PCLO: variants seen among roughly 807,000 people sequenced by gnomAD.
PCLO encodes the protein piccolo presynaptic cytomatrix protein.
Under a neutral mutation model 427.5 loss-of-function variants are expected in PCLO, and 82 were observed. The observed-to-expected ratio is 0.19, with a 90% CI of 0.16 to 0.23. The LOEUF (loss-of-function observed/expected upper bound fraction) is 0.23, where lower values mean the gene tolerates loss of function less well. PCLO is among the 10% of genes least tolerant of loss of function. PCLO has a pLI of 1.00. For synonymous variants in PCLO, 2,357 were observed against 2,155.4 expected, an observed-to-expected ratio of 1.09 and a Z score of -2.59; for missense variants, 6,239 against 6,115.9, an observed-to-expected ratio of 1.02 and a Z score of -0.67.
chr7:82,909,744 T>C (rs186613336), intron 7 of PCLO, among the ~76,000 whole-genome samples: 2 of 152,120 alleles, frequency 1.3e-5, no homozygotes, highest in Non-Finnish European at 2.9e-5. Flanking sequence ...CATGATTACG[T>C]AGTAGCCTAA....
intron 3 of PCLO, among the ~76,000 whole-genome samples, chr7:83,084,694 CCT>C (rs762023350): frequency 1.8e-4 from 27 of 152,048 alleles, no homozygotes; most frequent in Non-Finnish European, 3.8e-4. Flanking sequence ...ATATTTTCTT[CCT>C]CTCTGTCTCT....
At position 82,758,544 on chromosome 7, in the gene PCLO, C is replaced by T. The variant is rs1323573211; in HGVS notation, c.*31G>A. On this transcript the variant is annotated 3_prime_UTR_variant, in exon 25 of 25. Transcript: ENST00000333891. Reference sequence around the variant, plus strand: ...AGTCTTGATGTGAGGCTATTTAGAGCAGTTTCTATACCCTGAGAAGACATG... The same window carrying T: ...AGTCTTGATGTGAGGCTATTTAGAGTAGTTTCTATACCCTGAGAAGACATG... The T allele has an allele frequency of 3.8e-6, 6 of 1,586,276 alleles. No homozygotes were observed. In the African/African-American group the frequency reaches 8.2e-5, roughly 22 times the overall value.
At chr7:82,884,049 G>A (rs1375935148) in intron 9 of PCLO, among the ~76,000 whole-genome samples, 8 of 152,118 alleles carry the variant, frequency 5.3e-5, no homozygotes, top group Admixed American at 3.9e-4. Context: ...AATTACAGGC[G>A]TGAGCCACCG....
chr7:82,862,842 T>A (rs1341005473), intron 10 of PCLO, among the ~76,000 whole-genome samples: 1 of 151,950 alleles, frequency 6.6e-6, no homozygotes, highest in African/African-American at 2.4e-5. Flanking sequence ...GAAGGATGGT[T>A]ACTAGAGGTT....
chr7:82,911,116 A>C (rs2116240762), intron 7 of PCLO, among the ~76,000 whole-genome samples: 1 of 152,246 alleles, frequency 6.6e-6, no homozygotes, highest in Non-Finnish European at 1.5e-5. Context: ...GTAGAAGTTC[A>C]ACCTGACCCA....
At chr7:82,786,423 C>T (rs1045559956) in intron 22 of PCLO, among the ~76,000 whole-genome samples, 41 of 152,050 alleles carry the variant, frequency 2.7e-4, no homozygotes, top group African/African-American at 9.4e-4. Flanking sequence ...TTGTTTAAAT[C>T]GTTAACAAAT....
chr7:82,978,856 AAACAC>A (rs1562896074), intron 3 of PCLO, among the ~76,000 whole-genome samples: 2,685 of 93,386 alleles, frequency 0.029, 87 homozygotes, highest in African/African-American at 0.098. Context: ...ACACACACAC[AAACAC>A]ACACACACAC....
chr7:83,057,338 A>T (rs867280718), intron 3 of PCLO, among the ~76,000 whole-genome samples: 5 of 21,302 alleles, frequency 2.3e-4, no homozygotes, highest in African/African-American at 7.4e-4. Flanking sequence ...ATATATATAT[A>T]TATATATATA....
In PCLO at chr7:83,135,127, G is replaced by C; in HGVS notation, c.2423C>G (p.Pro808Arg). The C allele has an allele frequency of 6.2e-7, 1 of 1,613,914 alleles. No individual in the cohort carries two copies. The highest frequency in any genetic ancestry group is 1.7e-5 in the Admixed American group (1 of 60,010). The change falls in exon 3 of 25, where the codon CCA becomes CGA. Residue 808 changes from proline to arginine, a missense_variant. Pro to Arg is a moderately radical substitution (Grantham distance 103). Coordinates refer to ENST00000333891, the MANE Select transcript of PCLO (RefSeq NM_033026.6). ...AAATGGGCTGACTTTTTCCCCTGTTGGTGGAAAACTCTGTGAGGGTTTGGC... is the reference window on the plus strand; with the variant it reads ...AAATGGGCTGACTTTTTCCCCTGTTCGTGGAAAACTCTGTGAGGGTTTGGC... ...DSAKPSQSFP[P>R]TGEKVSPFDS...
At chr7:82,901,490 A>G (rs1160916294) in intron 9 of PCLO, among the ~76,000 whole-genome samples, 2 of 152,094 alleles carry the variant, frequency 1.3e-5, no homozygotes, top group African/African-American at 4.8e-5. Context: ...AAACCTAGGC[A>G]TTACTATTCA....
At chr7:82,929,120 TATAAG>T (rs1190629554) in intron 6 of PCLO, among the ~76,000 whole-genome samples, 1 of 151,984 alleles carries the variant, frequency 6.6e-6, no homozygotes, top group Non-Finnish European at 1.5e-5. Context: ...ATTGAGGACA[TATAAG>T]AGAGAAGGAA....
intron 10 of PCLO, among the ~76,000 whole-genome samples, chr7:82,850,095 G>A (rs548294381): frequency 1.0e-3 from 155 of 152,158 alleles, no homozygotes; most frequent in African/African-American, 3.5e-3. Context: ...TGCAACCTCT[G>A]CCAACCGGGT....
intron 3 of PCLO, among the ~76,000 whole-genome samples, chr7:82,984,852 T>C (rs1265856812): frequency 6.6e-6 from 1 of 152,016 alleles, no homozygotes; most frequent in Non-Finnish European, 1.5e-5. Flanking sequence ...TTTTGAATGA[T>C]AACACTGATT....
At chr7:82,767,201 G>C (rs1006711913) in intron 22 of PCLO, among the ~76,000 whole-genome samples, 1 of 152,134 alleles carries the variant, frequency 6.6e-6, no homozygotes, top group Non-Finnish European at 1.5e-5. Context: ...ATTTGGTTTG[G>C]ATAAAGAGTG....
chr7:83,114,489 A>T (rs1214596766), intron 3 of PCLO, among the ~76,000 whole-genome samples: 2 of 152,110 alleles, frequency 1.3e-5, no homozygotes, highest in African/African-American at 4.8e-5. Flanking sequence ...AAATGATTAA[A>T]GATTCAATAG....
chr7:82,844,431 A>G (rs1188717355), intron 13 of PCLO, among the ~76,000 whole-genome samples: 1 of 152,164 alleles, frequency 6.6e-6, no homozygotes, highest in Admixed American at 6.6e-5. Context: ...CTTCTGAATA[A>G]AAGGATTCTT....
intron 3 of PCLO, among the ~76,000 whole-genome samples, chr7:83,099,328 G>C (rs1363183034): frequency 6.7e-6 from 1 of 150,116 alleles, no homozygotes; most frequent in African/African-American, 2.5e-5. Flanking sequence ...AAAAAAAATG[G>C]AGACAAAAAA....
intron 6 of PCLO, among the ~76,000 whole-genome samples, chr7:82,919,702 A>G (rs1311243897): frequency 4.6e-5 from 7 of 151,872 alleles, no homozygotes; most frequent in Admixed American, 4.6e-4. Flanking sequence ...AGAATACAAG[A>G]GCCCTAAAGA....
In PCLO at chr7:82,965,301, CTTT is replaced by C. The variant is rs1385191293; in HGVS notation, c.4017+467_4017+469del. Among the ~76,000 whole-genome samples the C allele has an allele frequency of 1.1e-3, 158 of 140,958 alleles. 1 individual carries two copies. Among genetic ancestry groups the C allele is most frequent in the African/African-American group, 3.3e-3 (122 of 37,296 alleles). 92.5% of individuals were successfully genotyped at this position (140,958 alleles called of 152,430 possible). On this transcript the variant is annotated intron_variant, in intron 4 of 24. Coordinates refer to ENST00000333891, the MANE Select transcript of PCLO (RefSeq NM_033026.6). ...TTACGTCATTTTTTTTTCCTTTTTT[CTTT>C]TTTCTTTCTTTCTTTTTTTTTTTTT...
Sources: gnomAD v4.1 joint callset for allele counts (sites outside exome capture counted in the v4.1 genomes callset) on GRCh38, gnomAD v4.1.1 for gene constraint, MANE v1.5 for transcripts, NCBI Gene and HGNC (gene_info 2026-07-23, HGNC 2026-07-21) for gene names.